The following MPND variants were observed in gnomAD, a reference collection of about 807,000 sequenced individuals.
MPND encodes MPN domain-containing protein.
MPND carries 56 observed loss-of-function variants against 59.2 expected under a neutral mutation model. The observed-to-expected ratio is 0.95, with a 90% CI of 0.76 to 1.18. The LOEUF (loss-of-function observed/expected upper bound fraction) is 1.18. Ranked by LOEUF, MPND falls within the 50% of genes most tolerant of loss-of-function variation. MPND has a pLI of 0.00. For missense variants in MPND, 671 were observed against 676.0 expected, an observed-to-expected ratio of 0.99 and a Z score of 0.08; for synonymous variants, 323 against 291.9, an observed-to-expected ratio of 1.11 and a Z score of -1.09.
intron 3 of MPND, 81 bp downstream of exon 3, chr19:4,346,062 G>A: frequency 8.3e-7 from 1 of 1,200,900 alleles, no homozygotes; most frequent in Non-Finnish European, 1.2e-6. Context: ...GCTCTCTCCG[G>A]AGGAGGTATT....
At position 4,358,375 on chromosome 19, in the gene MPND, C is replaced by G. The variant is rs1202956225; in HGVS notation, c.1326+203C>G. 5.1e-6 allele frequency: 3 copies of G among 584,212 alleles called. No individual in the cohort carries two copies. The African/African-American group carries it at 5.6e-5, about 11-fold the overall frequency. The allele number at this position is 584,212 out of a possible 1,614,324, so 36.2% of individuals were successfully genotyped here. On this transcript the variant is annotated intron_variant, in intron 11 of 12. Coordinates refer to ENST00000599840, the MANE Select transcript of MPND (RefSeq NM_001300862.2). ...CAACTTCTGCCCTCCCTCACCTCCC[C>G]ACCTGCTGTTCTCTAAGGCACTGGC...
At chr19:4,359,019 A>C (rs1972512344) in intron 11 of MPND, 144 bp from the exon 12 acceptor site, 1 of 585,822 alleles carries the variant, frequency 1.7e-6, no homozygotes. Context: ...CCCTCTGGCT[A>C]AGGTCACTCG....
At chr19:4,358,374 C>G (rs1307057664) in intron 11 of MPND, 2 of 584,186 alleles carry the variant, frequency 3.4e-6, no homozygotes, top group Admixed American at 3.0e-5. Context: ...CCTCACCTCC[C>G]CACCTGCTGT....
intron 5 of MPND, 26 bp downstream of exon 5, chr19:4,354,155 CT>C: frequency 6.3e-7 from 1 of 1,597,516 alleles, no homozygotes; most frequent in Non-Finnish European, 8.6e-7. Flanking sequence ...AGTTCTGCCC[CT>C]GCCCCAGCTC....
intron 10 of MPND, 110 bp downstream of exon 10, chr19:4,357,695 AG>A: frequency 9.4e-7 from 1 of 1,069,460 alleles, no homozygotes; most frequent in Non-Finnish European, 1.3e-6. Context: ...TTGGGGCCCC[AG>A]TTTCTCCATC....
Position 4,351,135 on chromosome 19 carries a change from G to A in MPND, c.532-1762G>A, listed in dbSNP as rs114708281. Among the ~76,000 whole-genome samples the A allele has an allele frequency of 9.9e-3, 1,505 of 152,250 alleles. 13 individuals are homozygous for A. Among genetic ancestry groups the A allele is most frequent in the African/African-American group, 0.025 (1,041 of 41,546 alleles). On this transcript the variant is annotated intron_variant, in intron 3 of 12. Coordinates refer to ENST00000599840, the MANE Select transcript of MPND (RefSeq NM_001300862.2). ...TTTGTATTTTTGTAGACAGAGTCTC[G>A]CTCCGTCACCCAGGCTGTAGTACAA...
In MPND at chr19:4,359,982, G is replaced by A. The variant is rs527895919; in HGVS notation, c.1486G>A (p.Val496Ile). ...TCACGTCCTGGAACAGGTGTGCGGC[G>A]TCCTCAAGCAGGGGAGCTGAGCCTT... ...LCHVLEQVCGVLKQGS is the reference protein window; with the variant it reads ...LCHVLEQVCGILKQGS Residue 496 changes from valine (V) to isoleucine (I), a missense_variant, in exon 13 of 13, where the codon GTC becomes ATC. By Grantham distance (29) the Val-to-Ile change is conservative (BLOSUM62 3). Coordinates refer to ENST00000599840, the MANE Select transcript of MPND (RefSeq NM_001300862.2). The A allele has an allele frequency of 1.7e-4, 259 of 1,567,038 alleles. 3 individuals are homozygous for A. The South Asian group carries it at 2.6e-3, about 16-fold the overall frequency.
Position 4,354,417 on chromosome 19 carries a change from G to A in MPND, c.843G>A (p.Leu281=). 6.4e-7 allele frequency: 1 copy of A among 1,554,960 alleles called. No homozygotes were observed. The highest frequency in any genetic ancestry group is 1.4e-5 in the African/African-American group (1 of 73,432). Residue 281 remains leucine, a synonymous_variant, in exon 6 of 13, where the codon CTG becomes CTA. Transcript: ENST00000599840. ...CTGTTTCTAGCAACGTGCTGTTCCTGCTGGTGTGTGGCCCACCCTGTCTAG... is the reference window on the plus strand; with the variant it reads ...CTGTTTCTAGCAACGTGCTGTTCCTACTGGTGTGTGGCCCACCCTGTCTAG... ...NVAVSSNVLF[L]LDFHSHLTRS...
In MPND at chr19:4,354,075, G is replaced by C; in HGVS notation, c.695G>C (p.Ser232Thr). ...EATTPGKRVDSKIRVPVRYCM... is the reference protein window; with the variant it reads ...EATTPGKRVDTKIRVPVRYCM... ...ACAACCCCAGGGAAGCGGGTGGACA[G>C]CAAGATCCGGGTTCCGGTCCGCTAC... Residue 232 changes from serine to threonine, a missense_variant, in exon 5 of 13, where the codon AGC (serine) becomes ACC (threonine). Coordinates refer to ENST00000599840, the MANE Select transcript of MPND (RefSeq NM_001300862.2). 2 of 1,613,406 alleles carry C rather than the reference G, an allele frequency of 1.2e-6. No individual in the cohort carries two copies. The highest frequency in any genetic ancestry group is 2.2e-5 in the East Asian group (1 of 44,848).
At chr19:4,355,308 A>G in intron 8 of MPND, 135 bp downstream of exon 8, 2 of 729,272 alleles carry the variant, frequency 2.7e-6, no homozygotes, top group Non-Finnish European at 2.3e-6. Flanking sequence ...TGTGCTTGGG[A>G]CCCCATGGTG....
At chr19:4,346,086 A>G in intron 3 of MPND, 105 bp downstream of exon 3, 1 of 951,284 alleles carries the variant, frequency 1.1e-6, no homozygotes, top group East Asian at 2.6e-5. Context: ...AATATATACA[A>G]ACACGGATGG....
chr19:4,353,989 C>T (rs527437706), intron 4 of MPND, 56 bp from the exon 5 acceptor site: 1 of 1,508,318 alleles, frequency 6.6e-7, no homozygotes, highest in Non-Finnish European at 9.2e-7. Flanking sequence ...CAGTGGCCAC[C>T]TAATTTGTTC....
rs764849375 is a variant in MPND at position 4,354,140 on chromosome 19, C to A, written c.749+11C>A. On this transcript the variant is annotated intron_variant, in intron 5 of 12. Transcript: ENST00000599840. Reference sequence around the variant, plus strand: ...CCGCGACTTGGCCAGGTCAGACTCACCCCAAGTTCTGCCCCTGCCCCAGCT... The same window carrying A: ...CCGCGACTTGGCCAGGTCAGACTCAACCCAAGTTCTGCCCCTGCCCCAGCT... 4 of 1,604,836 alleles carry A rather than the reference C, an allele frequency of 2.5e-6. No homozygotes were observed. In the Admixed American group the frequency reaches 6.7e-5, roughly 27 times the overall value.
rs1770648534 is a variant in MPND at position 4,344,718 on chromosome 19, T to G, written c.294+724T>G. 2.6e-5 allele frequency among the ~76,000 whole-genome samples: 4 copies of G among 151,440 alleles called. 1 individual carries two copies. The South Asian group carries it at 8.3e-4, about 31-fold the overall frequency. On this transcript the variant is annotated intron_variant, in intron 2 of 12. Transcript: ENST00000599840. ...CCTGCCACATGGTAAGCACTTTATCTGTGGTAGGTATTAGTACTTTTTTTT... is the reference window on the plus strand; with the variant it reads ...CCTGCCACATGGTAAGCACTTTATCGGTGGTAGGTATTAGTACTTTTTTTT...
At chr19:4,344,819 A>G (rs1314018148) in intron 2 of MPND, among the ~76,000 whole-genome samples, 1 of 148,130 alleles carries the variant, frequency 6.8e-6, no homozygotes, top group African/African-American at 2.5e-5. Context: ...GCTCACTGCA[A>G]CCTCTGCCTC....
chr19:4,350,059 G>A (rs1351816497), intron 3 of MPND, among the ~76,000 whole-genome samples: 1 of 152,084 alleles, frequency 6.6e-6, no homozygotes, highest in Non-Finnish European at 1.5e-5. Flanking sequence ...GCCTTTGGGT[G>A]GGAGTTGTGG....
In MPND at chr19:4,354,030, CT is replaced by C; in HGVS notation, c.665-10del. The C allele has an allele frequency of 6.2e-7, 1 of 1,608,820 alleles. No homozygotes were observed. The highest frequency in any genetic ancestry group is 8.5e-7 in the Non-Finnish European group (1 of 1,175,764). ...TGGGCTGGGGAGGGACTGACCCTGC[CT>C]TTTTCTCTCCCAGAGGCCACAACCC... On this transcript the variant is annotated splice_polypyrimidine_tract_variant and intron_variant, in intron 4 of 12. Coordinates refer to ENST00000599840, the MANE Select transcript of MPND (RefSeq NM_001300862.2).
At chr19:4,357,810 TC>T (rs1972476877) in intron 10 of MPND, 2 of 611,348 alleles carry the variant, frequency 3.3e-6, no homozygotes, top group East Asian at 2.8e-5. Flanking sequence ...AGGGCTCCCT[TC>T]CTGACCCTGC....
In MPND at chr19:4,355,087, C is replaced by T. The variant is rs1237368141; in HGVS notation, c.920-10C>T. 1.9e-6 allele frequency: 3 copies of T among 1,613,840 alleles called. No individual in the cohort carries two copies. Among genetic ancestry groups the T allele is most frequent in the Admixed American group, 3.3e-5 (2 of 59,994 alleles). On this transcript the variant is annotated splice_polypyrimidine_tract_variant and intron_variant, in intron 7 of 12. Coordinates refer to ENST00000599840, the MANE Select transcript of MPND (RefSeq NM_001300862.2). ...CGGGGTCACGGGGTCACAGCTGCCC[C>T]TCCCCACAGTGCTGACGGTGCTCAG...
Sources: gnomAD v4.1 joint callset for allele counts (sites outside exome capture counted in the v4.1 genomes callset) on GRCh38, gnomAD v4.1.1 for gene constraint, MANE v1.5 for transcripts, NCBI Gene and HGNC (gene_info 2026-07-23, HGNC 2026-07-21) for gene names.